The following WWC2 variants were observed in gnomAD, a reference collection of about 807,000 sequenced individuals.
WWC2 encodes protein WWC2.
A neutral mutation model predicts 138.5 loss-of-function variants in WWC2; 101 were observed. The observed-to-expected ratio is 0.73, with a 90% CI of 0.62 to 0.86. The LOEUF (loss-of-function observed/expected upper bound fraction) is 0.86. Ranked by LOEUF, WWC2 falls within the 40% of genes least tolerant of loss-of-function variation. The pLI is 0.00. For missense variants in WWC2, 1,420 were observed against 1,419.4 expected (o/e 1.00, Z -0.01); for synonymous variants, 558 against 538.4 (o/e 1.04, Z -0.50).
At chr4:183,134,300 C>A (rs997456421) in intron 1 of WWC2, among the ~76,000 whole-genome samples, 1 of 150,190 alleles carries the variant, frequency 6.7e-6, no homozygotes, top group Non-Finnish European at 1.5e-5. Flanking sequence ...TTCTGTACTT[C>A]TACTTTGGGT....
At position 183,289,377 on chromosome 4, in the gene WWC2, G is replaced by A. The variant is rs114548606; in HGVS notation, c.3142-16G>A. The A allele has an allele frequency of 5.4e-3, 8,753 of 1,607,624 alleles. 38 individuals are homozygous for A. The highest frequency in any genetic ancestry group is 6.7e-3 in the Non-Finnish European group (7,877 of 1,176,418). The stretch of plus-strand genomic sequence containing the variant: ...GTATAACCAGGGTGTTCGTCATTCC[G>A]TTTCTAACTATCCAGACGGTTTGCC... On this transcript the variant is annotated splice_polypyrimidine_tract_variant and intron_variant, in intron 20 of 22. Coordinates refer to ENST00000403733, the MANE Select transcript of WWC2 (RefSeq NM_024949.6).
At chr4:183,188,114 G>A (rs960998289) in intron 1 of WWC2, among the ~76,000 whole-genome samples, 8 of 152,192 alleles carry the variant, frequency 5.3e-5, no homozygotes, top group African/African-American at 1.9e-4. Flanking sequence ...ACACCCAAAA[G>A]GGCTCATGGC....
chr4:183,319,855 C>T lies in WWC2; in HGVS notation c.*4126C>T, dbSNP rs1411561621. ...CCCGAGGCCCAGGACAGAATTCCTC[C>T]CAGGATCAGCAGTCGCCTCTTGAGA... On this transcript the variant is annotated 3_prime_UTR_variant, in exon 23 of 23. Transcript: ENST00000403733. 1.9e-6 allele frequency: 3 copies of T among 1,613,988 alleles called. No individual in the cohort carries two copies. Among genetic ancestry groups the T allele is most frequent in the Non-Finnish European group, 2.5e-6 (3 of 1,179,882 alleles).
chr4:183,154,798 C>G (rs1241900016), intron 1 of WWC2, among the ~76,000 whole-genome samples: 1 of 152,146 alleles, frequency 6.6e-6, no homozygotes, highest in East Asian at 1.9e-4. Flanking sequence ...TGCCGTATAG[C>G]CAATGACAGT....
intron 1 of WWC2, among the ~76,000 whole-genome samples, chr4:183,120,552 T>C (rs576309459): frequency 1.2e-4 from 18 of 152,172 alleles, no homozygotes; most frequent in Non-Finnish European, 2.4e-4. Flanking sequence ...CTGCACTGTT[T>C]TACACATTTA....
intron 1 of WWC2, 63 bp downstream of exon 1, chr4:183,099,685 G>T: frequency 5.1e-6 from 6 of 1,178,016 alleles, no homozygotes; most frequent in Non-Finnish European, 6.3e-6. Context: ...CCGGAGACCC[G>T]GCCGCGCGGG....
chr4:183,283,341 T>G (rs1460918259), intron 18 of WWC2, among the ~76,000 whole-genome samples: 3 of 152,242 alleles, frequency 2.0e-5, no homozygotes, highest in South Asian at 2.1e-4. Flanking sequence ...TGACTTAGTT[T>G]AGGCACAAGT....
intron 4 of WWC2, among the ~76,000 whole-genome samples, chr4:183,210,688 T>C (rs955801178): frequency 6.6e-6 from 1 of 152,218 alleles, no homozygotes; most frequent in African/African-American, 2.4e-5. Flanking sequence ...TGCAAGCCCG[T>C]ATCATAGGGC....
intron 17 of WWC2, chr4:183,281,233 C>T (rs907580485): frequency 2.8e-6 from 1 of 357,312 alleles, no homozygotes; most frequent in Non-Finnish European, 5.0e-6. Context: ...AAAAGTGACT[C>T]TATTTTTCTT....
At chr4:183,269,477 C>G in intron 15 of WWC2, 1 of 529,858 alleles carries the variant, frequency 1.9e-6, no homozygotes, top group South Asian at 1.5e-5. Flanking sequence ...CTCCCAGTAC[C>G]AATGCCAAGC....
intron 2 of WWC2, chr4:183,203,468 TC>T (rs1311783052): frequency 6.6e-6 from 1 of 152,202 alleles, no homozygotes; most frequent in African/African-American, 2.4e-5. Flanking sequence ...TGGAACACTT[TC>T]CTTTTATATG....
At chr4:183,255,867 G>GC in intron 9 of WWC2, among the ~76,000 whole-genome samples, 1 of 145,150 alleles carries the variant, frequency 6.9e-6, no homozygotes, top group South Asian at 2.1e-4. Context: ...GAAATAGGAG[G>GC]CTTTTTTTCC....
At position 183,118,650 on chromosome 4, in the gene WWC2, G is replaced by A. The variant is rs575870981; in HGVS notation, c.131+19028G>A. 7.9e-5 allele frequency among the ~76,000 whole-genome samples: 12 copies of A among 152,328 alleles called. No homozygotes were observed. In the South Asian group the frequency reaches 2.3e-3, roughly 29 times the overall value. On this transcript the variant is annotated intron_variant, in intron 1 of 22. Coordinates refer to ENST00000403733, the MANE Select transcript of WWC2 (RefSeq NM_024949.6). ...AAAGTCATCATTTAGCATTGTGAGT[G>A]TTCTGTCTATAAAATAAATTGTTAC...
chr4:183,269,582 A>C, intron 15 of WWC2: 1 of 461,780 alleles, frequency 2.2e-6, no homozygotes, highest in South Asian at 1.6e-5. Context: ...CACTATTTTC[A>C]GATAAGGAGC....
rs544232820 is a variant in WWC2, at chr4:183,317,358, C to T, written c.*1629C>T. 7.9e-5 allele frequency: 12 copies of T among 152,560 alleles called. No homozygotes were observed. The highest frequency in any genetic ancestry group is 2.9e-4 in the African/African-American group (12 of 41,558). 9.5% of individuals were successfully genotyped at this position (152,560 alleles called of 1,614,324 possible). A position where few individuals can be genotyped will look rare whatever the true frequency, so the allele number is the denominator to read the frequency against. On this transcript the variant is annotated 3_prime_UTR_variant, in exon 23 of 23. Coordinates refer to ENST00000403733, the MANE Select transcript of WWC2 (RefSeq NM_024949.6). The stretch of plus-strand genomic sequence containing the variant: ...TCCTAAATGTCCCAACACTTACATA[C>T]AAATTTCTTTGAAGACATAACTGGA...
chr4:183,122,439 A>G (rs1010459728), intron 1 of WWC2, among the ~76,000 whole-genome samples: 3 of 152,250 alleles, frequency 2.0e-5, no homozygotes, highest in African/African-American at 7.2e-5. Context: ...TGACATGACA[A>G]AAGGCATAAA....
Position 183,245,560 on chromosome 4 carries a change from A to T in WWC2, c.732+15A>T. On this transcript the variant is annotated intron_variant, in intron 6 of 22. Transcript: ENST00000403733. ...ATCTGATGCAGGTACATTATAAAAC[A>T]TTTTGTTAAGCCAAACTTCTACCTT... The T allele has an allele frequency of 1.3e-6, 2 of 1,565,466 alleles. No homozygotes were observed. Among genetic ancestry groups the T allele is most frequent in the Non-Finnish European group, 1.7e-6 (2 of 1,161,298 alleles).
chr4:183,249,970 A>G lies in WWC2; in HGVS notation c.930A>G (p.Leu310=), dbSNP rs1330408670. ...TAGCTGAAAAGGTCAGGCTAAGCCTACAGTATGAAGAAGCCAAAAGAAGGT... is the reference window on the plus strand; with the variant it reads ...TAGCTGAAAAGGTCAGGCTAAGCCTGCAGTATGAAGAAGCCAAAAGAAGGT... ...SNLAEKVRLS[L]QYEEAKRSMA... is the part of the protein sequence containing the mutation. The change falls in exon 8 of 23, where the codon CTA becomes CTG. Residue 310 remains leucine (L), a synonymous_variant. Coordinates refer to ENST00000403733, the MANE Select transcript of WWC2 (RefSeq NM_024949.6). 11 of 1,613,726 alleles carry G rather than the reference A, an allele frequency of 6.8e-6. No individual in the cohort carries two copies. Among genetic ancestry groups the G allele is most frequent in the Non-Finnish European group, 9.3e-6 (11 of 1,179,826 alleles).
At position 183,215,510 on chromosome 4, in the gene WWC2, T is replaced by C. The variant is rs553973575; in HGVS notation, c.522+6485T>C. On this transcript the variant is annotated intron_variant, in intron 4 of 22. Coordinates refer to ENST00000403733, the MANE Select transcript of WWC2 (RefSeq NM_024949.6). ...CTCTTTAATACAGGAACTAGTGTTA[T>C]CTAATATGACATGCTAGTAACTTGA... Among the ~76,000 whole-genome samples the C allele has an allele frequency of 3.9e-5, 6 of 152,354 alleles. No individual in the cohort carries two copies. In the South Asian group the frequency reaches 1.2e-3, roughly 32 times the overall value.
Sources: gnomAD v4.1 joint callset for allele counts (sites outside exome capture counted in the v4.1 genomes callset) on GRCh38, gnomAD v4.1.1 for gene constraint, MANE v1.5 for transcripts, NCBI Gene and HGNC (gene_info 2026-07-23, HGNC 2026-07-21) for gene names.